Variants in STK3 observed in about 807,000 individuals in gnomAD.
STK3 encodes the protein serine/threonine kinase 3.
In STK3, 41 loss-of-function variants were observed where a neutral mutation model predicts 58.0. The ratio of observed to expected loss-of-function variants is 0.71; its 90% CI spans 0.55 to 0.92. The LOEUF (loss-of-function observed/expected upper bound fraction) is 0.92. Ranked by LOEUF, STK3 falls within the 40% of genes least tolerant of loss-of-function variation. STK3 has a pLI of 0.00. For synonymous variants in STK3, 170 were observed against 191.0 expected, an observed-to-expected ratio of 0.89 and a Z score of 0.91; for missense variants, 479 against 602.7, an observed-to-expected ratio of 0.79 and a Z score of 2.15.
chr8:98,747,647 T>G (rs117901684), intron 4 of STK3, among the ~76,000 whole-genome samples: 4,011 of 152,222 alleles, frequency 0.026, 72 homozygotes, highest in Non-Finnish European at 0.041. Flanking sequence ...TGAAGAAAAA[T>G]GTCCTTGCAC....
At chr8:98,541,416 G>A (rs776295422) in intron 9 of STK3, among the ~76,000 whole-genome samples, 8 of 151,938 alleles carry the variant, frequency 5.3e-5, no homozygotes, top group Non-Finnish European at 8.8e-5. Flanking sequence ...CAGCTTCCCC[G>A]TCCCCTTCCA....
intron 9 of STK3, among the ~76,000 whole-genome samples, chr8:98,544,091 G>GA (rs1563723923): frequency 6.6e-6 from 1 of 152,128 alleles, no homozygotes; most frequent in African/African-American, 2.4e-5. Flanking sequence ...TAGAACATAC[G>GA]AGAGTGGCAG....
the STK3 span, among the ~76,000 whole-genome samples, chr8:98,363,155 A>G: frequency 6.6e-6 from 1 of 152,316 alleles, no homozygotes; most frequent in Middle Eastern, 3.4e-3. Flanking sequence ...TGAAGACCCC[A>G]TGAGTCATGT....
intron 1 of STK3, among the ~76,000 whole-genome samples, chr8:98,820,533 T>G (rs1166070127): frequency 6.6e-6 from 1 of 152,242 alleles, no homozygotes; most frequent in Non-Finnish European, 1.5e-5. Context: ...ATTTTCATGC[T>G]GCCCACCTGT....
chr8:98,685,134 T>C (rs914588058), intron 6 of STK3, among the ~76,000 whole-genome samples: 2 of 152,194 alleles, frequency 1.3e-5, no homozygotes, highest in African/African-American at 4.8e-5. Flanking sequence ...CAGAGAAATA[T>C]TGCATTTGTC....
chr8:98,409,025 C>T (rs1818028066), intron 3 of STK3, among the ~76,000 whole-genome samples: 2 of 152,138 alleles, frequency 1.3e-5, no homozygotes, highest in Admixed American at 1.3e-4. Flanking sequence ...CCATGAACAC[C>T]CTGACCTCGC....
At chr8:98,808,640 G>A (rs1834028836) in intron 1 of STK3, among the ~76,000 whole-genome samples, 1 of 152,028 alleles carries the variant, frequency 6.6e-6, no homozygotes, top group African/African-American at 2.4e-5. Flanking sequence ...AACAATTACT[G>A]TTATCCATTT....
chr8:98,657,224 C>T (rs994427965), intron 6 of STK3, among the ~76,000 whole-genome samples: 1 of 151,912 alleles, frequency 6.6e-6, no homozygotes, highest in African/African-American at 2.4e-5. Context: ...TTTCTAAGTG[C>T]CAGGTACTGT....
chr8:98,654,438 C>T (rs1349443657), intron 6 of STK3, among the ~76,000 whole-genome samples: 1 of 152,102 alleles, frequency 6.6e-6, no homozygotes, highest in Admixed American at 6.5e-5. Flanking sequence ...CAGGGATGCC[C>T]TCTCTCACCA....
intron 1 of STK3, among the ~76,000 whole-genome samples, chr8:98,910,311 C>G (rs1839079080): frequency 1.3e-5 from 2 of 152,016 alleles, no homozygotes; most frequent in Non-Finnish European, 2.9e-5. Flanking sequence ...GAAAATGTAA[C>G]CAGGACTTAA....
At chr8:98,667,796 T>C (rs967909646) in intron 6 of STK3, among the ~76,000 whole-genome samples, 7 of 152,042 alleles carry the variant, frequency 4.6e-5, no homozygotes, top group Non-Finnish European at 8.8e-5. Context: ...ATCATAACTT[T>C]TCCTCATAAA....
At chr8:98,651,982 C>T (rs560228468) in intron 6 of STK3, among the ~76,000 whole-genome samples, 8,351 of 151,714 alleles carry the variant, frequency 0.055, 281 homozygotes, top group Middle Eastern at 0.079. Flanking sequence ...ATACAGAGAA[C>T]GCCACAAAGA....
At chr8:98,710,816 G>A (rs570516801) in intron 4 of STK3, among the ~76,000 whole-genome samples, 49 of 152,354 alleles carry the variant, frequency 3.2e-4, no homozygotes, top group Non-Finnish European at 6.2e-4. Flanking sequence ...CACAGCTGGA[G>A]ATCTGAGAAC....
At chr8:98,461,511 T>C (rs748125319) in intron 10 of STK3, among the ~76,000 whole-genome samples, 12 of 152,238 alleles carry the variant, frequency 7.9e-5, no homozygotes, top group Non-Finnish European at 1.2e-4. Context: ...TGAGGTACTG[T>C]TCCAGTCATC....
intron 3 of STK3, among the ~76,000 whole-genome samples, chr8:98,415,775 G>C (rs1291707845): frequency 6.6e-6 from 1 of 152,200 alleles, no homozygotes; most frequent in African/African-American, 2.4e-5. Flanking sequence ...TAACTGAACA[G>C]ATGATTTTTT....
Position 98,923,233 on chromosome 8 carries a change from G to A in STK3, c.-79+19145C>T, listed in dbSNP as rs186423237. ...GAAATAAAAAAAGAACAGTAATAAT[G>A]CAAATATTATGTTAATAAGTCTGGG... On this transcript the variant is annotated intron_variant, in intron 1 of 1. Transcript: ENST00000519420. 2.0e-5 allele frequency among the ~76,000 whole-genome samples: 3 copies of A among 152,276 alleles called. No individual in the cohort carries two copies. The East Asian group carries it at 5.8e-4, about 29-fold the overall frequency.
At chr8:98,860,564 G>GA (rs1482514406) in intron 3 of STK3, among the ~76,000 whole-genome samples, 1 of 152,082 alleles carries the variant, frequency 6.6e-6, no homozygotes, top group Non-Finnish European at 1.5e-5. Flanking sequence ...TAGCCCAACA[G>GA]AAAAAAAGAA....
the STK3 span, among the ~76,000 whole-genome samples, chr8:98,364,400 T>G: frequency 6.6e-6 from 1 of 152,276 alleles, no homozygotes; most frequent in Non-Finnish European, 1.5e-5. Flanking sequence ...TGAAGTCCCC[T>G]GTCCCTCTCC....
At chr8:98,456,602 C>A (rs1486918600) in intron 10 of STK3, among the ~76,000 whole-genome samples, 1 of 152,122 alleles carries the variant, frequency 6.6e-6, no homozygotes, top group African/African-American at 2.4e-5. Flanking sequence ...AAGAGTAATC[C>A]AGATTTGGTT....
Sources: gnomAD v4.1 joint callset for allele counts (sites outside exome capture counted in the v4.1 genomes callset) on GRCh38, gnomAD v4.1.1 for gene constraint, MANE v1.5 for transcripts, NCBI Gene and HGNC (gene_info 2026-07-23, HGNC 2026-07-21) for gene names.